The following DOP1A variants were observed in gnomAD, a reference collection of about 807,000 sequenced individuals.
DOP1A encodes the protein DOP1 leucine zipper like protein A.
Under a neutral mutation model 267.6 loss-of-function variants are expected in DOP1A, and 90 were observed. The observed-to-expected ratio is 0.34, with a 90% CI of 0.28 to 0.40. The LOEUF is 0.40. Among genes scored for constraint, DOP1A ranks in the 10% least tolerant of loss-of-function variants. DOP1A has a pLI of 1.00. For synonymous variants in DOP1A, 932 were observed against 999.1 expected, an observed-to-expected ratio of 0.93 and a Z score of 1.27; for missense variants, 2,437 against 2,900.4, an observed-to-expected ratio of 0.84 and a Z score of 3.67.
chr6:83,097,560 T>C (rs969898678), intron 3 of DOP1A, among the ~76,000 whole-genome samples: 1 of 152,210 alleles, frequency 6.6e-6, no homozygotes, highest in African/African-American at 2.4e-5. Flanking sequence ...ATAGTTATAA[T>C]TTGGTACTTT....
intron 38 of DOP1A, chr6:83,166,724 T>C (rs775441010): frequency 1.9e-4 from 226 of 1,198,010 alleles, no homozygotes; most frequent in Non-Finnish European, 2.3e-4. Context: ...AAATAAGCAA[T>C]AAGCTTGAGA....
Position 83,129,122 on chromosome 6 carries a change from A to G in DOP1A, c.1955A>G (p.Gln652Arg). ...GTGGGATCTGAAGAAACCATCATCC[A>G]GACCCCTTCCGTAGTCACTCAGGGG... ...STVGSEETII[Q>R]TPSVVTQGTA... Residue 652 changes from glutamine to arginine, a missense_variant, in exon 16 of 39, where the codon CAG (glutamine) becomes CGG (arginine). Coordinates refer to ENST00000349129, the MANE Select transcript of DOP1A (RefSeq NM_015018.4). 1.2e-6 allele frequency: 2 copies of G among 1,614,000 alleles called. No homozygotes were observed. The highest frequency in any genetic ancestry group is 1.7e-6 in the Non-Finnish European group (2 of 1,179,940).
intron 1 of DOP1A, among the ~76,000 whole-genome samples, chr6:83,081,700 A>G (rs117196848): frequency 0.02 from 3,060 of 152,308 alleles, 51 homozygotes; most frequent in Non-Finnish European, 0.029. Context: ...GGTTATATGA[A>G]ATTAAAAAGC....
At chr6:83,164,696 G>A in intron 38 of DOP1A, 1 of 1,590,456 alleles carries the variant, frequency 6.3e-7, no homozygotes, top group Non-Finnish European at 8.6e-7. Flanking sequence ...GATTTTGGAG[G>A]GATTGGAGAT....
chr6:83,135,633 T>A lies in DOP1A; in HGVS notation c.2885T>A (p.Met962Lys), dbSNP rs1184646607. 1 of 1,613,132 alleles carries A rather than the reference T, an allele frequency of 6.2e-7. No homozygotes were observed. Among genetic ancestry groups the A allele is most frequent in the African/African-American group, 1.3e-5 (1 of 74,864 alleles). Residue 962 changes from methionine (M) to lysine (K), a missense_variant, in exon 20 of 39, where the codon ATG (methionine) becomes AAG (lysine). By Grantham distance (95) the Met-to-Lys change is moderately conservative. Around this residue, in one of 9 missense-constraint regions of DOP1A, gnomAD observed 878 missense variants for 992.9 expected, o/e 0.88. Transcript: ENST00000349129. The part of the protein sequence containing the change: ...VRSFDRSLFI[M>K]LDSLNSLDGS... Reference sequence around the variant, plus strand: ...GTTTATTTTAGGTCACTGTTCATCATGTTAGATAGCCTTAACAGTCTCGAT... The same window carrying A: ...GTTTATTTTAGGTCACTGTTCATCAAGTTAGATAGCCTTAACAGTCTCGAT...
intron 1 of DOP1A, among the ~76,000 whole-genome samples, chr6:83,081,613 G>A (rs1296576645): frequency 1.3e-5 from 2 of 152,158 alleles, no homozygotes; most frequent in East Asian, 1.9e-4. Flanking sequence ...GAAAAGCTAT[G>A]TGACATTGAT....
At chr6:83,128,853 C>G in intron 15 of DOP1A, 34 bp from the exon 16 acceptor site, 1 of 1,511,640 alleles carries the variant, frequency 6.6e-7, no homozygotes, top group Non-Finnish European at 8.8e-7. Context: ...CACTTTGCTA[C>G]TCAGCCTTTT....
chr6:83,120,777 A>T lies in DOP1A; in HGVS notation c.1085A>T (p.Asp362Val), dbSNP rs1295328626. Reference sequence around the variant, plus strand: ...TTTCGCATTTTAATCAGTTTACTGGACAAACCTGAGCTAGGTAATGTATAC... The same window carrying T: ...TTTCGCATTTTAATCAGTTTACTGGTCAAACCTGAGCTAGGTAATGTATAC... ...KPFRILISLL[D>V]KPELGPVILE... is the part of the protein sequence containing the mutation. Residue 362 changes from aspartate (D) to valine (V), a missense_variant, in exon 10 of 39, where the codon GAC becomes GTC. By Grantham distance (152) the Asp-to-Val change is radical. Transcript: ENST00000349129. 1.3e-6 allele frequency: 2 copies of T among 1,571,502 alleles called. No homozygotes were observed. Among genetic ancestry groups the T allele is most frequent in the Non-Finnish European group, 1.7e-6 (2 of 1,150,360 alleles).
intron 27 of DOP1A, among the ~76,000 whole-genome samples, chr6:83,149,307 GT>G (rs1339998416): frequency 6.6e-6 from 1 of 152,148 alleles, no homozygotes; most frequent in Admixed American, 6.5e-5. Context: ...TTTGATAAAT[GT>G]TAGTCACCTA....
intron 38 of DOP1A, among the ~76,000 whole-genome samples, chr6:83,163,718 T>C (rs192489689): frequency 2.5e-3 from 373 of 152,240 alleles, no homozygotes; most frequent in Middle Eastern, 6.8e-3. Flanking sequence ...GTGATGATGC[T>C]GAGTACAGAT....
intron 7 of DOP1A, among the ~76,000 whole-genome samples, chr6:83,117,575 A>G (rs998309118): frequency 6.6e-6 from 1 of 152,246 alleles, no homozygotes; most frequent in Non-Finnish European, 1.5e-5. Flanking sequence ...TATAATGATT[A>G]CAAGTATAGT....
chr6:83,106,818 AG>A (rs1405600428), intron 4 of DOP1A, among the ~76,000 whole-genome samples: 72 of 126,238 alleles, frequency 5.7e-4, no homozygotes, highest in African/African-American at 1.6e-3. Context: ...AAAAAAAAAA[AG>A]AGAGAGAGAA....
At chr6:83,113,554 C>T (rs1316209893) in intron 7 of DOP1A, 133 bp downstream of exon 7, 1 of 642,866 alleles carries the variant, frequency 1.6e-6, no homozygotes, top group Non-Finnish European at 2.6e-6. Flanking sequence ...AAAATAAGTT[C>T]CTTCTTAAGG....
chr6:83,081,757 C>T (rs1476558014), intron 1 of DOP1A, among the ~76,000 whole-genome samples: 3 of 152,156 alleles, frequency 2.0e-5, no homozygotes, highest in African/African-American at 4.8e-5. Flanking sequence ...AGACAACCTA[C>T]TTACAGGATG....
At chr6:83,100,219 T>A (rs1399497894) in intron 3 of DOP1A, among the ~76,000 whole-genome samples, 1 of 152,200 alleles carries the variant, frequency 6.6e-6, no homozygotes, top group African/African-American at 2.4e-5. Context: ...TAGATTTTCT[T>A]ATAAGCATTA....
At chr6:83,076,840 C>T (rs142770346) in intron 1 of DOP1A, among the ~76,000 whole-genome samples, 8 of 152,160 alleles carry the variant, frequency 5.3e-5, no homozygotes, top group Non-Finnish European at 1.0e-4. Flanking sequence ...CAGCACTACT[C>T]GTGATAATCA....
At chr6:83,107,689 T>A (rs1436718307) in intron 4 of DOP1A, among the ~76,000 whole-genome samples, 1 of 152,210 alleles carries the variant, frequency 6.6e-6, no homozygotes, top group African/African-American at 2.4e-5. Flanking sequence ...AATTAGGAGA[T>A]AATCTCCCTA....
At chr6:83,131,254 A>AC (rs1283065554) in intron 17 of DOP1A, among the ~76,000 whole-genome samples, 1 of 90,628 alleles carries the variant, frequency 1.1e-5, no homozygotes, top group Admixed American at 1.0e-4. Flanking sequence ...ACTGTACATT[A>AC]AAAAAAAGTT....
intron 7 of DOP1A, among the ~76,000 whole-genome samples, chr6:83,117,119 T>TTTTTA (rs55825933): frequency 0.54 from 70,350 of 131,000 alleles, 20,367 homozygotes; most frequent in Middle Eastern, 0.63. Context: ...TTTTAGTACT[T>TTTTTA]TTTTATTTTA....
Sources: allele counts gnomAD v4.1 joint callset (sites outside exome capture counted in the v4.1 genomes callset), GRCh38; gene constraint gnomAD v4.1.1; regional missense constraint gnomAD v4.1.1; transcripts MANE v1.5; gene names NCBI Gene and HGNC (gene_info 2026-07-23, HGNC 2026-07-21).